Variants in STK24 observed in about 807,000 individuals in gnomAD.
The protein encoded by STK24 is serine/threonine-protein kinase 24.
Under a neutral mutation model 55.6 loss-of-function variants are expected in STK24, and 21 were observed. That is an observed-to-expected ratio of 0.38 (90% CI 0.27 to 0.54). The LOEUF is 0.54. Among genes scored for constraint, STK24 ranks in the 20% least tolerant of loss-of-function variants. STK24 has a pLI of 0.79. For missense variants in STK24, 383 were observed against 538.4 expected (o/e 0.71, Z 2.86); for synonymous variants, 200 against 215.2 (o/e 0.93, Z 0.62).
intron 8 of STK24, 74 bp from the exon 9 acceptor site, chr13:98,460,514 ACCTGGAC>A: frequency 7.9e-7 from 1 of 1,264,400 alleles, no homozygotes. Context: ...TAAACCTCCC[ACCTGGAC>A]TATGGAAGCG....
In STK24 at chr13:98,497,502, C is replaced by T. The variant is rs1365763373; in HGVS notation, c.274-15181G>A. On this transcript the variant is annotated intron_variant, in intron 2 of 10. Coordinates refer to ENST00000539966, the MANE Select transcript of STK24 (RefSeq NM_001032296.4). The stretch of plus-strand genomic sequence containing the variant: ...GACGATGCCCTAGTGAAAACCAGGA[C>T]GCCATGAAAGAGAGGTCAGAACCTC... Among the ~76,000 whole-genome samples, 7 of 152,296 alleles carry T rather than the reference C, an allele frequency of 4.6e-5. No homozygotes were observed. In the South Asian group the frequency reaches 6.2e-4, roughly 14 times the overall value.
chr13:98,497,694 T>C (rs985681763), intron 2 of STK24, among the ~76,000 whole-genome samples: 2 of 152,186 alleles, frequency 1.3e-5, no homozygotes, highest in Non-Finnish European at 2.9e-5. Flanking sequence ...ACACCCTGGC[T>C]CTGGACTTGC....
At position 98,457,316 on chromosome 13, in the gene STK24, C is replaced by T. The variant is rs542932547; in HGVS notation, c.1123-12G>A. 2.0e-5 allele frequency: 32 copies of T among 1,613,974 alleles called. No homozygotes were observed. Among genetic ancestry groups the T allele is most frequent in the Admixed American group, 8.3e-5 (5 of 60,024 alleles). On this transcript the variant is annotated splice_polypyrimidine_tract_variant and intron_variant, in intron 9 of 10. Transcript: ENST00000539966. ...CTCTTCTCCTTCAACTGAAAACACA[C>T]GAACAGGAAGAATGGCATGAAGCAC... is the stretch of plus-strand genomic sequence containing the variant.
At chr13:98,544,553 A>G (rs918151721) in intron 1 of STK24, among the ~76,000 whole-genome samples, 1 of 152,198 alleles carries the variant, frequency 6.6e-6, no homozygotes, top group African/African-American at 2.4e-5. Context: ...GCCGGAGAGG[A>G]GAGGACAGAG....
In STK24 at chr13:98,511,179, T is replaced by C. The variant is rs369862370; in HGVS notation, c.273+8064A>G. On this transcript the variant is annotated intron_variant, in intron 2 of 10. Coordinates refer to ENST00000539966, the MANE Select transcript of STK24 (RefSeq NM_001032296.4). The stretch of plus-strand genomic sequence containing the variant: ...TGCCCGGCCCCATATTCCCACATGG[T>C]AGCATTTACCTAAAATGAATATCCT... 3.3e-5 allele frequency among the ~76,000 whole-genome samples: 5 copies of C among 152,328 alleles called. No individual in the cohort carries two copies. The East Asian group carries it at 7.7e-4, about 23-fold the overall frequency.
Position 98,453,060 on chromosome 13 carries a change from C to A in STK24, c.*113G>T. The A allele has an allele frequency of 2.4e-6, 3 of 1,268,022 alleles. No homozygotes were observed. Among genetic ancestry groups the A allele is most frequent in the Non-Finnish European group, 3.4e-6 (3 of 895,040 alleles). 78.5% of individuals were successfully genotyped at this position (1,268,022 alleles called of 1,614,324 possible). Reference sequence around the variant, plus strand: ...ACGGGCGCCTGGCGCTGGGGTGGCTCCCAGTGGCGCACCTCTTCGGTGGAG... The same window carrying A: ...ACGGGCGCCTGGCGCTGGGGTGGCTACCAGTGGCGCACCTCTTCGGTGGAG... On this transcript the variant is annotated 3_prime_UTR_variant, in exon 11 of 11. Transcript: ENST00000539966.
chr13:98,545,920 T>A (rs977483392), intron 1 of STK24, among the ~76,000 whole-genome samples: 1 of 151,736 alleles, frequency 6.6e-6, no homozygotes, highest in Non-Finnish European at 1.5e-5. Context: ...AAGAAAAAAA[T>A]GTTACCTTAA....
intron 1 of STK24, among the ~76,000 whole-genome samples, chr13:98,551,172 G>A (rs1480817005): frequency 2.6e-5 from 4 of 152,050 alleles, no homozygotes; most frequent in African/African-American, 9.6e-5. Context: ...TGTAGTCCCA[G>A]CTACTCGGGA....
intron 1 of STK24, among the ~76,000 whole-genome samples, chr13:98,554,115 G>T (rs1897228021): frequency 6.6e-6 from 1 of 151,292 alleles, no homozygotes. Flanking sequence ...AGCTGATGAT[G>T]ATGATGAATT....
At chr13:98,510,644 C>T (rs188423491) in intron 2 of STK24, among the ~76,000 whole-genome samples, 5 of 152,250 alleles carry the variant, frequency 3.3e-5, no homozygotes, top group East Asian at 1.9e-4. Context: ...AAACATGCCG[C>T]GTGAAACAAA....
intron 3 of STK24, among the ~76,000 whole-genome samples, chr13:98,481,889 AAACAACAAC>A (rs753407168): frequency 6.6e-6 from 1 of 151,844 alleles, no homozygotes; most frequent in African/African-American, 2.4e-5. Context: ...TTCTACCCAA[AAACAACAAC>A]AACAACAACA....
rs188855251 is a variant in STK24 at position 98,523,620 on chromosome 13, C to T, written c.43-4147G>A. Reference sequence around the variant, plus strand: ...AATGGTGTGGTCAGAAAGACAATGACATCCGCCCACTTCCTCGACGCCAGC... The same window carrying T: ...AATGGTGTGGTCAGAAAGACAATGATATCCGCCCACTTCCTCGACGCCAGC... On this transcript the variant is annotated intron_variant, in intron 1 of 10. Coordinates refer to ENST00000539966, the MANE Select transcript of STK24 (RefSeq NM_001032296.4). Among the ~76,000 whole-genome samples the T allele has an allele frequency of 7.0e-4, 106 of 152,324 alleles. 2 individuals are homozygous for T. The highest frequency in any genetic ancestry group is 2.2e-4 in the Non-Finnish European group (15 of 68,024).
chr13:98,556,878 T>G (rs1309239014), intron 1 of STK24, among the ~76,000 whole-genome samples: 1 of 152,220 alleles, frequency 6.6e-6, no homozygotes, highest in East Asian at 1.9e-4. Flanking sequence ...ATATTAGGTA[T>G]GTGGAGCTCA....
chr13:98,537,405 G>C (rs1001689027), intron 1 of STK24, among the ~76,000 whole-genome samples: 1 of 152,204 alleles, frequency 6.6e-6, no homozygotes, highest in Non-Finnish European at 1.5e-5. Flanking sequence ...CACAGTGCCC[G>C]GCACACGGGA....
chr13:98,476,234 C>T (rs540980200), intron 3 of STK24, among the ~76,000 whole-genome samples: 10 of 129,266 alleles, frequency 7.7e-5, no homozygotes, highest in South Asian at 4.9e-4. Flanking sequence ...TCAAACCAGA[C>T]GGGAAGCCCC....
Position 98,457,305 on chromosome 13 carries a change from C to T in STK24, c.1123-1G>A. 6.2e-7 allele frequency: 1 copy of T among 1,614,060 alleles called. No individual in the cohort carries two copies. On this transcript the variant is annotated splice_acceptor_variant, in intron 9 of 10. Transcript: ENST00000539966. LOFTEE classifies it high-confidence loss of function. ...CGCACGCCTGGCTCTTCTCCTTCAACTGAAAACACACGAACAGGAAGAATG... is the reference window on the plus strand; with the variant it reads ...CGCACGCCTGGCTCTTCTCCTTCAATTGAAAACACACGAACAGGAAGAATG...
chr13:98,566,655 A>G (rs1348770909), intron 1 of STK24, among the ~76,000 whole-genome samples: 1 of 152,144 alleles, frequency 6.6e-6, no homozygotes, highest in Non-Finnish European at 1.5e-5. Context: ...AATTCCAAAG[A>G]TGTTTATTTT....
intron 1 of STK24, among the ~76,000 whole-genome samples, chr13:98,541,009 G>C (rs1443377296): frequency 6.6e-6 from 1 of 152,124 alleles, no homozygotes; most frequent in East Asian, 1.9e-4. Context: ...TTTAGCAGGA[G>C]ACAAAATAAG....
intron 2 of STK24, among the ~76,000 whole-genome samples, chr13:98,509,536 A>G (rs533679807): frequency 6.6e-6 from 1 of 152,338 alleles, no homozygotes; most frequent in South Asian, 2.1e-4. Context: ...TAAAATTTGT[A>G]TATTACAGTA....
Sources: gnomAD v4.1 joint callset for allele counts (sites outside exome capture counted in the v4.1 genomes callset) on GRCh38, gnomAD v4.1.1 for gene constraint, MANE v1.5 for transcripts, NCBI Gene and HGNC (gene_info 2026-07-23, HGNC 2026-07-21) for gene names.